Variants in SLC22A8 observed in about 807,000 individuals in gnomAD.
SLC22A8 encodes the protein solute carrier family 22 member 8, also known as organic anion transporter 3.
SLC22A8 carries 40 observed loss-of-function variants against 48.4 expected under a neutral mutation model. That is an observed-to-expected ratio of 0.83 (90% confidence interval 0.64 to 1.08). The LOEUF (loss-of-function observed/expected upper bound fraction) is 1.08, where lower values mean the gene tolerates loss of function less well. Ranked by LOEUF, SLC22A8 falls within the 50% of genes least tolerant of loss-of-function variation. The pLI, the probability that SLC22A8 is intolerant of heterozygous loss-of-function variation, is 0.00. For synonymous variants in SLC22A8, 268 were observed against 286.3 expected, an observed-to-expected ratio of 0.94 and a Z score of 0.65; for missense variants, 606 against 699.0, an observed-to-expected ratio of 0.87 and a Z score of 1.50.
chr11:62,993,219 A>G lies in SLC22A8; in HGVS notation c.*18T>C. 1.3e-6 allele frequency: 2 copies of G among 1,597,684 alleles called. No individual in the cohort carries two copies. Among genetic ancestry groups the G allele is most frequent in the Non-Finnish European group, 1.7e-6 (2 of 1,168,588 alleles). On this transcript the variant is annotated 3_prime_UTR_variant, in exon 11 of 11. Coordinates refer to ENST00000336232, the MANE Select transcript of SLC22A8 (RefSeq NM_004254.4). ...AGGATCAGTCTCTGGAGGGCAGGGA[A>G]AGGGGGTTCCGTTGTCCTCAGCTGG...
intron 2 of SLC22A8, among the ~76,000 whole-genome samples, chr11:63,008,270 G>A (rs911122857): frequency 1.3e-5 from 2 of 152,208 alleles, no homozygotes; most frequent in Admixed American, 1.3e-4. Context: ...TGATCAGCAG[G>A]ATGGGGCCCT....
intron 2 of SLC22A8, among the ~76,000 whole-genome samples, chr11:63,011,667 G>T (rs768853133): frequency 2.0e-5 from 3 of 152,028 alleles, no homozygotes; most frequent in Non-Finnish European, 2.9e-5. Flanking sequence ...TCTATCTGTC[G>T]TCTTTGTCCT....
intron 9 of SLC22A8, 42 bp downstream of exon 9, chr11:62,993,728 C>T: frequency 1.3e-6 from 2 of 1,590,192 alleles, no homozygotes; most frequent in Admixed American, 1.7e-5. Context: ...CCCACCTGAC[C>T]TGTGTCCTCT....
Position 62,996,048 on chromosome 11 carries a change from C to A in SLC22A8, c.866G>T (p.Gly289Val), listed in dbSNP as rs1001784854. The A allele has an allele frequency of 6.2e-7, 1 of 1,614,088 alleles. No individual in the cohort carries two copies. The highest frequency in any genetic ancestry group is 1.3e-5 in the African/African-American group (1 of 75,024). ...CCCTACCTCCAAGCTGAGCCTTTCT[C>A]CCTCTTCCTTCTTGCCATTGAAGAC... ...VAVFNGKKEEGERLSLEELKL... is the reference protein window; with the variant it reads ...VAVFNGKKEEVERLSLEELKL... Residue 289 changes from glycine (G) to valine (V), a missense_variant, in exon 6 of 11, where the codon GGA (glycine) becomes GTA (valine). Transcript: ENST00000336232.
chr11:63,008,224 TAG>T, intron 2 of SLC22A8, among the ~76,000 whole-genome samples: 1 of 152,166 alleles, frequency 6.6e-6, no homozygotes, highest in East Asian at 1.9e-4. Flanking sequence ...AAGTGGGCTG[TAG>T]AGAGTCAGGA....
At chr11:63,000,852 A>G (rs1461265596) in intron 2 of SLC22A8, 29 bp from the exon 3 acceptor site, 5 of 1,553,204 alleles carry the variant, frequency 3.2e-6, no homozygotes, top group East Asian at 4.5e-5. Context: ...GGGCTAGCCT[A>G]ACTCAGTGTA....
intron 5 of SLC22A8, among the ~76,000 whole-genome samples, chr11:62,996,397 A>G (rs1215782110): frequency 1.3e-5 from 2 of 152,134 alleles, no homozygotes; most frequent in African/African-American, 4.8e-5. Context: ...GACCTGGGCC[A>G]CTTGTTATTG....
intron 2 of SLC22A8, among the ~76,000 whole-genome samples, chr11:63,008,262 A>C (rs2086578965): frequency 6.6e-6 from 1 of 152,192 alleles, no homozygotes; most frequent in Non-Finnish European, 1.5e-5. Context: ...CAGGACCATG[A>C]TCAGCAGGAT....
Position 63,014,914 on chromosome 11 carries a change from A to G in SLC22A8, c.45T>C (p.His15=). The change falls in exon 2 of 11, where the codon CAT becomes CAC. Residue 15 remains histidine, a synonymous_variant. Transcript: ENST00000336232. ...GTATGGCTACATGCAGGAACTGGAAATGGCCCATGCTTCCCACACGGTCCA... is the reference window on the plus strand; with the variant it reads ...GTATGGCTACATGCAGGAACTGGAAGTGGCCCATGCTTCCCACACGGTCCA... The part of the protein sequence containing the change: ...EILDRVGSMG[H]FQFLHVAILG... 1 of 1,579,998 alleles carries G rather than the reference A, an allele frequency of 6.3e-7. No individual in the cohort carries two copies. The highest frequency in any genetic ancestry group is 8.6e-7 in the Non-Finnish European group (1 of 1,159,224).
intron 2 of SLC22A8, among the ~76,000 whole-genome samples, chr11:63,008,145 C>T (rs1473678990): frequency 6.6e-6 from 1 of 152,022 alleles, no homozygotes; most frequent in Non-Finnish European, 1.5e-5. Context: ...ATAAGCTGCT[C>T]TGACATCATA....
At chr11:62,997,146 G>GGTAC (rs2086431150) in intron 5 of SLC22A8, among the ~76,000 whole-genome samples, 1 of 152,234 alleles carries the variant, frequency 6.6e-6, no homozygotes, top group Non-Finnish European at 1.5e-5. Flanking sequence ...TACAGTTAGT[G>GGTAC]AGCCTTCCTG....
intron 2 of SLC22A8, among the ~76,000 whole-genome samples, chr11:63,006,703 G>A (rs2135137660): frequency 7.1e-6 from 1 of 139,994 alleles, no homozygotes; most frequent in East Asian, 2.2e-4. Flanking sequence ...TACCTCCCAG[G>A]TTCAAGTGAT....
At chr11:63,002,757 C>T (rs1307680095) in intron 2 of SLC22A8, among the ~76,000 whole-genome samples, 1 of 152,104 alleles carries the variant, frequency 6.6e-6, no homozygotes, top group Admixed American at 6.5e-5. Flanking sequence ...TAGTGTAGGC[C>T]TCATCATCTT....
chr11:63,000,905 T>TG, intron 2 of SLC22A8, 82 bp from the exon 3 acceptor site: 1 of 1,069,368 alleles, frequency 9.4e-7, no homozygotes, highest in Non-Finnish European at 1.4e-6. Flanking sequence ...CTCATACATG[T>TG]GGGCTTCCTC....
chr11:63,010,065 TAAC>T (rs941210214), intron 2 of SLC22A8, among the ~76,000 whole-genome samples: 3 of 152,200 alleles, frequency 2.0e-5, no homozygotes, highest in East Asian at 1.9e-4. Flanking sequence ...ACATCCCTAT[TAAC>T]AACAACAGCA....
At chr11:63,010,898 G>A (rs2135144613) in intron 2 of SLC22A8, among the ~76,000 whole-genome samples, 1 of 152,322 alleles carries the variant, frequency 6.6e-6, no homozygotes, top group South Asian at 2.1e-4. Flanking sequence ...TGGAAAGGAA[G>A]CCACTTCCCA....
chr11:63,010,009 G>A (rs72933464), intron 2 of SLC22A8, among the ~76,000 whole-genome samples: 4,698 of 152,236 alleles, frequency 0.031, 111 homozygotes, highest in Middle Eastern at 0.11. Flanking sequence ...CTTTTTACCA[G>A]GGGATCCCCC....
chr11:62,994,801 G>C, intron 7 of SLC22A8, 45 bp from the exon 8 acceptor site: 2 of 1,465,232 alleles, frequency 1.4e-6, no homozygotes, highest in South Asian at 2.3e-5. Flanking sequence ...GCCAGGCAGA[G>C]GCCACTCCCC....
At chr11:63,008,237 C>T (rs943147365) in intron 2 of SLC22A8, among the ~76,000 whole-genome samples, 2 of 152,154 alleles carry the variant, frequency 1.3e-5, no homozygotes, top group Non-Finnish European at 2.9e-5. Context: ...AGAGTCAGGA[C>T]GAGCCATTTG....
Sources: allele counts gnomAD v4.1 joint callset (sites outside exome capture counted in the v4.1 genomes callset), GRCh38; gene constraint gnomAD v4.1.1; transcripts MANE v1.5; gene names NCBI Gene and HGNC (gene_info 2026-07-23, HGNC 2026-07-21).